The following NXPE2 variants were observed in gnomAD, a reference collection of about 807,000 sequenced individuals.
NXPE2 encodes the protein NXPE family member 2.
NXPE2 carries 34 observed loss-of-function variants against 34.4 expected under a neutral mutation model. The ratio of observed to expected loss-of-function variants is 0.99; its 90% CI spans 0.75 to 1.31. The LOEUF (loss-of-function observed/expected upper bound fraction) is 1.31. Among genes scored for constraint, NXPE2 ranks in the 40% most tolerant of loss-of-function variants. NXPE2 has a pLI of 0.00. For synonymous variants in NXPE2, 235 were observed against 231.3 expected, an observed-to-expected ratio of 1.02 and a Z score of -0.15; for missense variants, 649 against 672.5, an observed-to-expected ratio of 0.97 and a Z score of 0.39.
chr11:114,474,618 T>G, the NXPE2 span, among the ~76,000 whole-genome samples: 1 of 152,134 alleles, frequency 6.6e-6, no homozygotes. Context: ...GGACAAAGCC[T>G]GATTGAAATG....
chr11:114,733,402 G>A, the NXPE2 span, among the ~76,000 whole-genome samples: 1 of 152,058 alleles, frequency 6.6e-6, no homozygotes, highest in African/African-American at 2.4e-5. Flanking sequence ...CTAATATTGG[G>A]TGTTTCTTGC....
the NXPE2 span, among the ~76,000 whole-genome samples, chr11:114,625,548 G>C: frequency 6.6e-6 from 1 of 152,130 alleles, no homozygotes; most frequent in African/African-American, 2.4e-5. Context: ...AGTAACCACT[G>C]TTACCCGGTG....
At chr11:114,747,147 A>T in the NXPE2 span, among the ~76,000 whole-genome samples, 1 of 152,246 alleles carries the variant, frequency 6.6e-6, no homozygotes, top group South Asian at 2.1e-4. Flanking sequence ...TCTCTATAGG[A>T]TAGATTATAC....
the NXPE2 span, among the ~76,000 whole-genome samples, chr11:114,736,749 TCA>T: frequency 6.6e-6 from 1 of 152,176 alleles, no homozygotes; most frequent in Non-Finnish European, 1.5e-5. Flanking sequence ...CATGAAATCT[TCA>T]CAATTTATGT....
chr11:114,635,878 C>G, the NXPE2 span, among the ~76,000 whole-genome samples: 1 of 151,906 alleles, frequency 6.6e-6, no homozygotes, highest in Non-Finnish European at 1.5e-5. Context: ...AGTATTTTAT[C>G]GAGAATTTTT....
the NXPE2 span, among the ~76,000 whole-genome samples, chr11:114,469,278 A>AT: frequency 6.7e-6 from 1 of 149,760 alleles, no homozygotes; most frequent in Non-Finnish European, 1.5e-5. Flanking sequence ...TGCCCAGCTA[A>AT]TTTTTTGTGT....
chr11:114,640,046 A>G, the NXPE2 span, among the ~76,000 whole-genome samples: 1 of 119,910 alleles, frequency 8.3e-6, no homozygotes, highest in African/African-American at 3.4e-5. Flanking sequence ...ATATTATTTT[A>G]TAATATATAA....
the NXPE2 span, among the ~76,000 whole-genome samples, chr11:114,602,461 T>C: frequency 1.5e-5 from 2 of 134,954 alleles, no homozygotes; most frequent in East Asian, 2.2e-4. Context: ...TTATAAATAA[T>C]ATATAAATTA....
chr11:114,525,770 G>A, the NXPE2 span, among the ~76,000 whole-genome samples: 1 of 152,274 alleles, frequency 6.6e-6, no homozygotes, highest in African/African-American at 2.4e-5. Flanking sequence ...GCACCATTTA[G>A]TGAAGTGTAT....
chr11:114,707,725 G>A (rs189962359), downstream of NXPE2, among the ~76,000 whole-genome samples: 1,500 of 152,278 alleles, frequency 9.9e-3, 27 homozygotes, highest in African/African-American at 0.034. Context: ...CATGGCAACC[G>A]CCATTGTATT....
chr11:114,537,478 A>T, the NXPE2 span, among the ~76,000 whole-genome samples: 1 of 152,206 alleles, frequency 6.6e-6, no homozygotes, highest in Non-Finnish European at 1.5e-5. Context: ...TTAGGAAAAG[A>T]GGAAGTCAGA....
chr11:114,508,527 A>G, the NXPE2 span, among the ~76,000 whole-genome samples: 4 of 152,234 alleles, frequency 2.6e-5, no homozygotes, highest in Non-Finnish European at 5.9e-5. Context: ...ACAGCAAGGT[A>G]TTGGTATAAG....
At chr11:114,511,168 T>C in the NXPE2 span, among the ~76,000 whole-genome samples, 1 of 152,252 alleles carries the variant, frequency 6.6e-6, no homozygotes, top group Non-Finnish European at 1.5e-5. Context: ...GGAAAAAATA[T>C]ATGAATTTTC....
chr11:114,695,810 G>A (rs1489747428), intron 2 of NXPE2, among the ~76,000 whole-genome samples: 2 of 130,514 alleles, frequency 1.5e-5, no homozygotes, highest in African/African-American at 5.8e-5. Flanking sequence ...GACCAACATG[G>A]TGAAAGAACG....
At chr11:114,716,247 C>T in the NXPE2 span, among the ~76,000 whole-genome samples, 1 of 152,176 alleles carries the variant, frequency 6.6e-6, no homozygotes, top group Non-Finnish European at 1.5e-5. Flanking sequence ...GAAGTTTCAT[C>T]AGCAGCCTGA....
the NXPE2 span, among the ~76,000 whole-genome samples, chr11:114,480,237 C>CTA: frequency 0.58 from 88,180 of 151,706 alleles, 26,358 homozygotes; most frequent in African/African-American, 0.73. Context: ...CAATGTCAGA[C>CTA]TGTTTTGGTC....
chr11:114,546,115 G>A, the NXPE2 span, among the ~76,000 whole-genome samples: 1 of 152,210 alleles, frequency 6.6e-6, no homozygotes, highest in Non-Finnish European at 1.5e-5. Context: ...TAACCTTGCT[G>A]GATAAAAGTG....
the NXPE2 span, among the ~76,000 whole-genome samples, chr11:114,808,746 C>A: frequency 1.3e-5 from 2 of 152,062 alleles, no homozygotes; most frequent in Non-Finnish European, 1.5e-5. Flanking sequence ...GGATTCACAG[C>A]CAAATTCTAC....
intron 2 of NXPE2, among the ~76,000 whole-genome samples, chr11:114,687,791 T>C (rs1414009167): frequency 1.3e-5 from 2 of 152,066 alleles, no homozygotes; most frequent in Non-Finnish European, 2.9e-5. Flanking sequence ...CGTTTTGTAG[T>C]TCCCCTTGTA....
Sources: gnomAD v4.1 joint callset for allele counts (sites outside exome capture counted in the v4.1 genomes callset) on GRCh38, gnomAD v4.1.1 for gene constraint, MANE v1.5 for transcripts, NCBI Gene and HGNC (gene_info 2026-07-23, HGNC 2026-07-21) for gene names.